TENM2: variants seen among roughly 807,000 people sequenced by gnomAD.
The protein encoded by TENM2 is teneurin-2.
In TENM2, 52 loss-of-function variants were observed where a neutral mutation model predicts 245.2. That is an observed-to-expected ratio of 0.21 (90% CI 0.17 to 0.27). The LOEUF is 0.27. Among genes scored for constraint, TENM2 ranks in the 10% least tolerant of loss-of-function variants. TENM2 has a pLI of 1.00. For missense variants in TENM2, 3,046 were observed against 3,666.8 expected (o/e 0.83, Z 4.37); for synonymous variants, 1,363 against 1,438.9 (o/e 0.95, Z 1.19).
In TENM2 at chr5:167,900,772, C is replaced by T. The variant is rs139746663; in HGVS notation, c.712+24577C>T. On this transcript the variant is annotated intron_variant, in intron 3 of 28. Coordinates refer to ENST00000518659, the Ensembl canonical transcript of TENM2. ...GAAATAGGTCAAGCCTTCAGTCAGC[C>T]TGGCGTGTCCTGTCTTGATTGAAGG... Among the ~76,000 whole-genome samples the T allele has an allele frequency of 5.3e-3, 804 of 150,836 alleles. 4 individuals carry two copies. Among genetic ancestry groups the T allele is most frequent in the Non-Finnish European group, 7.0e-3 (477 of 67,762 alleles).
chr5:167,769,561 A>T (rs1353813013), intron 2 of TENM2, among the ~76,000 whole-genome samples: 1 of 152,270 alleles, frequency 6.6e-6, no homozygotes, highest in East Asian at 1.9e-4. Flanking sequence ...TAAAAACTAA[A>T]CTGGTTATTC....
chr5:167,607,398 T>C (rs949731943), intron 2 of TENM2, among the ~76,000 whole-genome samples: 3 of 152,138 alleles, frequency 2.0e-5, no homozygotes, highest in African/African-American at 7.2e-5. Context: ...TAAGTGTTAG[T>C]AGCTAATATA....
intron 1 of TENM2, among the ~76,000 whole-genome samples, chr5:167,291,950 A>G (rs1754664764): frequency 6.6e-6 from 1 of 152,192 alleles, no homozygotes; most frequent in South Asian, 2.1e-4. Context: ...ACAGTTCCAC[A>G]TGGCTGGGAG....
intron 2 of TENM2, among the ~76,000 whole-genome samples, chr5:167,830,130 A>G (rs1275263401): frequency 6.6e-6 from 1 of 152,208 alleles, no homozygotes; most frequent in Non-Finnish European, 1.5e-5. Context: ...GAATACTTTC[A>G]ATTTAAGAAT....
rs549376627 is a variant in TENM2, at chr5:168,090,155, C to T, written c.1516-419C>T. Among the ~76,000 whole-genome samples, 5 of 150,538 alleles carry T rather than the reference C, an allele frequency of 3.3e-5. No individual in the cohort carries two copies. The South Asian group carries it at 1.1e-3, about 32-fold the overall frequency. ...AGGATTATGGAAAAGTTATACTTTG[C>T]ATATCCTCTGTATTACATAATGCAG... is the stretch of plus-strand genomic sequence containing the variant. On this transcript the variant is annotated intron_variant, in intron 7 of 28. Coordinates refer to ENST00000518659, the Ensembl canonical transcript of TENM2.
At chr5:167,273,927 T>C in the TENM2 span, among the ~76,000 whole-genome samples, 1 of 152,110 alleles carries the variant, frequency 6.6e-6, no homozygotes, top group Non-Finnish European at 1.5e-5. Context: ...TGTACTTTGC[T>C]ACAACTGTCA....
chr5:167,956,505 T>A (rs1780569418), intron 4 of TENM2, among the ~76,000 whole-genome samples: 1 of 152,182 alleles, frequency 6.6e-6, no homozygotes, highest in Non-Finnish European at 1.5e-5. Flanking sequence ...CTTCGAGTAC[T>A]ATGTTGAATA....
At chr5:167,393,747 A>C (rs901463720) in intron 2 of TENM2, among the ~76,000 whole-genome samples, 1 of 152,184 alleles carries the variant, frequency 6.6e-6, no homozygotes, top group African/African-American at 2.4e-5. Context: ...TGTGTTGAGA[A>C]TATAGTGGAA....
chr5:167,838,137 G>A (rs1399915621), intron 2 of TENM2, among the ~76,000 whole-genome samples: 1 of 152,250 alleles, frequency 6.6e-6, no homozygotes, highest in African/African-American at 2.4e-5. Flanking sequence ...TGGCTGATAA[G>A]TATAATGACG....
At chr5:167,017,292 A>G in the TENM2 span, among the ~76,000 whole-genome samples, 1 of 152,346 alleles carries the variant, frequency 6.6e-6, no homozygotes, top group Admixed American at 6.5e-5. Context: ...GATGAATATC[A>G]GGTCTTACTT....
chr5:167,845,965 C>A (rs953144672), intron 2 of TENM2, among the ~76,000 whole-genome samples: 6 of 152,262 alleles, frequency 3.9e-5, no homozygotes, highest in Non-Finnish European at 7.4e-5. Context: ...TGATGTCACT[C>A]AACAGCTGCT....
At chr5:167,665,041 G>C (rs755383968) in intron 2 of TENM2, among the ~76,000 whole-genome samples, 2 of 152,138 alleles carry the variant, frequency 1.3e-5, no homozygotes, top group Non-Finnish European at 2.9e-5. Context: ...TCTGCAAATG[G>C]AGGGAATACA....
intron 2 of TENM2, among the ~76,000 whole-genome samples, chr5:167,708,901 C>T (rs1758718939): frequency 6.6e-6 from 1 of 152,136 alleles, no homozygotes; most frequent in South Asian, 2.1e-4. Flanking sequence ...ATTTCTCTTT[C>T]TATACAAACC....
intron 2 of TENM2, among the ~76,000 whole-genome samples, chr5:167,723,717 T>C (rs901543085): frequency 6.6e-6 from 1 of 152,220 alleles, no homozygotes; most frequent in South Asian, 2.1e-4. Context: ...CCTCTTAGTG[T>C]ACACAAGGCT....
At chr5:167,060,052 T>C in the TENM2 span, among the ~76,000 whole-genome samples, 1 of 152,156 alleles carries the variant, frequency 6.6e-6, no homozygotes, top group Non-Finnish European at 1.5e-5. Context: ...TTGTTTTAAT[T>C]CATAAATTAA....
chr5:167,980,268 T>A (rs1202652723), intron 4 of TENM2, among the ~76,000 whole-genome samples: 1 of 152,154 alleles, frequency 6.6e-6, no homozygotes, highest in African/African-American at 2.4e-5. Context: ...TCCACCCCCA[T>A]CTCTGGATGT....
intron 2 of TENM2, among the ~76,000 whole-genome samples, chr5:167,661,470 A>G (rs891103471): frequency 2.0e-5 from 3 of 152,166 alleles, no homozygotes; most frequent in African/African-American, 7.2e-5. Context: ...CACCTGGAAA[A>G]TAGTAATTCT....
Position 167,987,541 on chromosome 5 carries a change from G to A in TENM2, c.948-5403G>A, listed in dbSNP as rs576952000. Among the ~76,000 whole-genome samples the A allele has an allele frequency of 4.3e-4, 66 of 151,962 alleles. 2 individuals are homozygous for A. The South Asian group carries it at 0.011, about 24-fold the overall frequency. On this transcript the variant is annotated intron_variant, in intron 4 of 28. Transcript: ENST00000518659. ...GATGGGGTTTGGCCAGGCTGGTCTCGAACCCCTGACCTCAAATGATTCGCC... is the reference window on the plus strand; with the variant it reads ...GATGGGGTTTGGCCAGGCTGGTCTCAAACCCCTGACCTCAAATGATTCGCC...
At chr5:167,709,309 A>G (rs1411993494) in intron 2 of TENM2, among the ~76,000 whole-genome samples, 2 of 152,102 alleles carry the variant, frequency 1.3e-5, no homozygotes, top group Non-Finnish European at 2.9e-5. Context: ...TTTAGTTTTT[A>G]TAGAATTTAT....
Sources: allele counts gnomAD v4.1 joint callset (sites outside exome capture counted in the v4.1 genomes callset), GRCh38; gene constraint gnomAD v4.1.1; transcripts MANE v1.5; gene names NCBI Gene and HGNC (gene_info 2026-07-23, HGNC 2026-07-21).